The following ASTN2 variants were observed in gnomAD, a reference collection of about 807,000 sequenced individuals.
ASTN2 encodes the protein astrotactin-2.
In ASTN2, 54 loss-of-function variants were observed where a neutral mutation model predicts 139.8. That is an observed-to-expected ratio of 0.39 (90% confidence interval 0.31 to 0.48). The LOEUF (loss-of-function observed/expected upper bound fraction) is 0.48. Among genes scored for constraint, ASTN2 ranks in the 20% least tolerant of loss-of-function variants. The pLI, the probability that ASTN2 is intolerant of heterozygous loss-of-function variation, is 0.95. For synonymous variants in ASTN2, 756 were observed against 719.5 expected, an observed-to-expected ratio of 1.05 and a Z score of -0.81; for missense variants, 1,565 against 1,725.1, an observed-to-expected ratio of 0.91 and a Z score of 1.64.
chr9:117,159,150 A>G (rs1026056590), intron 3 of ASTN2, among the ~76,000 whole-genome samples: 1 of 151,982 alleles, frequency 6.6e-6, no homozygotes, highest in Non-Finnish European at 1.5e-5. Context: ...ATGAATAAGT[A>G]TTGTATTAAT....
At chr9:116,581,746 T>G (rs762058900) in intron 19 of ASTN2, among the ~76,000 whole-genome samples, 2 of 152,180 alleles carry the variant, frequency 1.3e-5, no homozygotes, top group African/African-American at 2.4e-5. Context: ...TCTTCATTCA[T>G]TCATCTCTTC....
At chr9:117,131,425 A>G (rs944583583) in intron 4 of ASTN2, among the ~76,000 whole-genome samples, 1 of 152,134 alleles carries the variant, frequency 6.6e-6, no homozygotes, top group Non-Finnish European at 1.5e-5. Context: ...AAATCAAAAT[A>G]TTTTACCCCA....
intron 10 of ASTN2, among the ~76,000 whole-genome samples, chr9:116,914,185 A>G (rs1206546858): frequency 6.6e-6 from 1 of 151,946 alleles, no homozygotes; most frequent in Non-Finnish European, 1.5e-5. Context: ...CCAGGAAAGA[A>G]GCTGAAGGAG....
chr9:116,501,001 A>T (rs1371569872), intron 19 of ASTN2, among the ~76,000 whole-genome samples: 1 of 152,200 alleles, frequency 6.6e-6, no homozygotes, highest in Non-Finnish European at 1.5e-5. Flanking sequence ...TCCCAAGATT[A>T]AAAACAGCTG....
intron 2 of ASTN2, among the ~76,000 whole-genome samples, chr9:117,278,050 T>G (rs1344774684): frequency 1.3e-5 from 2 of 152,220 alleles, no homozygotes; most frequent in African/African-American, 4.8e-5. Flanking sequence ...TTTTAAATGC[T>G]TTAATACAAG....
intron 19 of ASTN2, among the ~76,000 whole-genome samples, chr9:116,515,287 CA>C (rs1444325015): frequency 6.6e-6 from 1 of 152,158 alleles, no homozygotes; most frequent in Non-Finnish European, 1.5e-5. Flanking sequence ...AAAAACTAAG[CA>C]TAAGCCAATC....
intron 4 of ASTN2, among the ~76,000 whole-genome samples, chr9:117,139,462 C>A (rs1830023948): frequency 6.6e-6 from 1 of 152,212 alleles, no homozygotes; most frequent in African/African-American, 2.4e-5. Context: ...TGTATCACTA[C>A]AAAATGGTTT....
intron 19 of ASTN2, among the ~76,000 whole-genome samples, chr9:116,577,257 G>A (rs199545203): frequency 1.6e-4 from 25 of 152,308 alleles, no homozygotes; most frequent in African/African-American, 5.5e-4. Context: ...GGCCAGGCAC[G>A]GTGGCTCATG....
intron 1 of ASTN2, among the ~76,000 whole-genome samples, chr9:117,380,705 A>C (rs891824200): frequency 2.0e-5 from 3 of 152,148 alleles, no homozygotes; most frequent in African/African-American, 7.2e-5. Context: ...ATAGGTAAGC[A>C]TGAACTAGGC....
rs185439399 is a variant in ASTN2, at chr9:116,682,429, G to T, written c.2807-30636C>A. Among the ~76,000 whole-genome samples the T allele has an allele frequency of 2.1e-4, 32 of 152,340 alleles. No homozygotes were observed. In the East Asian group the frequency reaches 3.7e-3, roughly 17 times the overall value. On this transcript the variant is annotated intron_variant, in intron 16 of 22. Transcript: ENST00000313400. ...AGCAACACTTTTACACTGTTGGTGG[G>T]ACTGTAAACTGGTTCAAACATTGTG... is the stretch of plus-strand genomic sequence containing the variant.
chr9:116,806,167 A>G lies in ASTN2; in HGVS notation c.2208-347T>C, dbSNP rs116271263. On this transcript the variant is annotated intron_variant, in intron 12 of 22. Coordinates refer to ENST00000313400, the MANE Select transcript of ASTN2 (RefSeq NM_001365068.1). ...AGGGAATCATCAACTAGTGTCTCAA[A>G]CCAGAATCTATTCCCAGTACATCTG... Among the ~76,000 whole-genome samples, 822 of 152,358 alleles carry G rather than the reference A, an allele frequency of 5.4e-3. 7 individuals carry two copies. The highest frequency in any genetic ancestry group is 0.018 in the African/African-American group (768 of 41,590).
At chr9:117,189,627 C>T (rs1177046268) in intron 3 of ASTN2, among the ~76,000 whole-genome samples, 1 of 152,160 alleles carries the variant, frequency 6.6e-6, no homozygotes, top group Admixed American at 6.5e-5. Flanking sequence ...AAGAATACTG[C>T]AAAACAAGTA....
At chr9:117,191,739 C>T (rs1422449789) in intron 3 of ASTN2, among the ~76,000 whole-genome samples, 1 of 152,182 alleles carries the variant, frequency 6.6e-6, no homozygotes, top group Non-Finnish European at 1.5e-5. Context: ...TGGGAAACTG[C>T]TTCAGCTCTG....
chr9:117,044,288 T>C (rs902641899), intron 5 of ASTN2, among the ~76,000 whole-genome samples: 6 of 151,708 alleles, frequency 4.0e-5, no homozygotes, highest in Non-Finnish European at 2.9e-5. Context: ...AAAGTGGGAG[T>C]TGGGGTGAGA....
intron 12 of ASTN2, 63 bp from the exon 13 acceptor site, chr9:116,805,883 C>G: frequency 6.5e-7 from 1 of 1,538,856 alleles, no homozygotes; most frequent in Non-Finnish European, 8.8e-7. Context: ...TGGGGGTGAC[C>G]TAAAACCAAG....
rs113106094 is a variant in ASTN2, at chr9:116,902,180, C to A, written c.1890-38447G>T. ...GATGACAGCTCCATATGTGTTACTG[C>A]CCCAGAAGACTTTCCAGTGGGAAAA... On this transcript the variant is annotated intron_variant, in intron 10 of 22. Transcript: ENST00000313400. 7.2e-3 allele frequency among the ~76,000 whole-genome samples: 1,093 copies of A among 152,200 alleles called. 10 individuals carry two copies. Among genetic ancestry groups the A allele is most frequent in the African/African-American group, 0.025 (1,024 of 41,512 alleles).
intron 13 of ASTN2, among the ~76,000 whole-genome samples, chr9:116,776,078 C>T (rs1284825868): frequency 6.6e-6 from 1 of 152,158 alleles, no homozygotes; most frequent in Non-Finnish European, 1.5e-5. Flanking sequence ...TGGACAAGCA[C>T]TAATCCTTGC....
At chr9:116,956,686 A>G (rs559238333) in intron 10 of ASTN2, among the ~76,000 whole-genome samples, 23 of 152,126 alleles carry the variant, frequency 1.5e-4, no homozygotes, top group African/African-American at 5.3e-4. Context: ...ACATACATAC[A>G]TACATACACA....
At chr9:117,179,652 T>C (rs899761006) in intron 3 of ASTN2, among the ~76,000 whole-genome samples, 1 of 152,066 alleles carries the variant, frequency 6.6e-6, no homozygotes, top group Non-Finnish European at 1.5e-5. Context: ...AAGTGTAATG[T>C]AACGACATGA....
Sources: allele counts gnomAD v4.1 joint callset (sites outside exome capture counted in the v4.1 genomes callset), GRCh38; gene constraint gnomAD v4.1.1; transcripts MANE v1.5; gene names NCBI Gene and HGNC (gene_info 2026-07-23, HGNC 2026-07-21).